The following CPQ variants were observed in gnomAD, a reference collection of about 807,000 sequenced individuals.
CPQ encodes the protein carboxypeptidase Q.
CPQ carries 37 observed loss-of-function variants against 45.7 expected under a neutral mutation model. The ratio of observed to expected loss-of-function variants is 0.81; its 90% CI spans 0.62 to 1.07. CPQ has a LOEUF of 1.07. Among genes scored for constraint, CPQ ranks in the 50% least tolerant of loss-of-function variants. The pLI is 0.00. For synonymous variants in CPQ, 186 were observed against 205.8 expected, an observed-to-expected ratio of 0.90 and a Z score of 0.82; for missense variants, 537 against 572.9, an observed-to-expected ratio of 0.94 and a Z score of 0.64.
chr8:96,914,826 G>C (rs1486266356), intron 4 of CPQ, among the ~76,000 whole-genome samples: 1 of 152,118 alleles, frequency 6.6e-6, no homozygotes, highest in Non-Finnish European at 1.5e-5. Flanking sequence ...ATAACACTTG[G>C]CAGTTTGGAA....
At chr8:97,081,873 C>G (rs966983507) in intron 7 of CPQ, among the ~76,000 whole-genome samples, 1 of 152,130 alleles carries the variant, frequency 6.6e-6, no homozygotes, top group Non-Finnish European at 1.5e-5. Flanking sequence ...CATTTCACTC[C>G]TTGGAACCTC....
chr8:96,809,530 A>G (rs549146861), intron 2 of CPQ, among the ~76,000 whole-genome samples: 7 of 152,298 alleles, frequency 4.6e-5, no homozygotes, highest in Non-Finnish European at 8.8e-5. Context: ...ATGAAATTCT[A>G]TCAAAGGCAA....
intron 4 of CPQ, among the ~76,000 whole-genome samples, chr8:96,919,585 G>A (rs963880542): frequency 2.6e-5 from 4 of 152,130 alleles, no homozygotes; most frequent in Non-Finnish European, 5.9e-5. Context: ...AGAATTTCAC[G>A]TTTTAAAGCC....
At chr8:96,900,242 T>C (rs1381624728) in intron 4 of CPQ, among the ~76,000 whole-genome samples, 1 of 152,160 alleles carries the variant, frequency 6.6e-6, no homozygotes, top group Non-Finnish European at 1.5e-5. Context: ...ATGTGTAAGT[T>C]AACAATGCCC....
At chr8:97,069,483 A>G (rs1010263714) in intron 7 of CPQ, among the ~76,000 whole-genome samples, 3 of 151,794 alleles carry the variant, frequency 2.0e-5, no homozygotes, top group South Asian at 2.1e-4. Flanking sequence ...AAAAAAAAAA[A>G]AAAGAAAAGG....
chr8:96,877,557 T>C (rs572984058), intron 3 of CPQ, among the ~76,000 whole-genome samples: 216 of 152,336 alleles, frequency 1.4e-3, no homozygotes, highest in Middle Eastern at 6.8e-3. Context: ...AAGGTAATTT[T>C]TGGTCATTAA....
At chr8:96,968,113 A>G (rs1813602507) in intron 5 of CPQ, among the ~76,000 whole-genome samples, 2 of 152,164 alleles carry the variant, frequency 1.3e-5, no homozygotes, top group Non-Finnish European at 2.9e-5. Flanking sequence ...CTTTTAGTAT[A>G]TTAGCTATAC....
chr8:96,768,268 C>A (rs1182409215), intron 1 of CPQ, among the ~76,000 whole-genome samples: 1 of 150,674 alleles, frequency 6.6e-6, no homozygotes, highest in African/African-American at 2.4e-5. Context: ...TCCATTATGG[C>A]AAATCTATTT....
At chr8:97,105,575 A>G (rs559500378) in intron 7 of CPQ, among the ~76,000 whole-genome samples, 1 of 152,346 alleles carries the variant, frequency 6.6e-6, no homozygotes, top group South Asian at 2.1e-4. Context: ...TACAGATATA[A>G]CAATCTGCTC....
At chr8:96,714,331 CT>C (rs1379614695) in intron 1 of CPQ, among the ~76,000 whole-genome samples, 3 of 152,134 alleles carry the variant, frequency 2.0e-5, no homozygotes, top group African/African-American at 7.2e-5. Context: ...TTGTTCATTT[CT>C]TTTAATTCTT....
chr8:96,854,428 G>A (rs1313598440), intron 3 of CPQ, among the ~76,000 whole-genome samples: 1 of 148,002 alleles, frequency 6.8e-6, no homozygotes, highest in Admixed American at 6.7e-5. Flanking sequence ...CTACTTGGGA[G>A]GCTGAGGCAG....
chr8:96,836,699 G>A (rs922093150), intron 3 of CPQ, among the ~76,000 whole-genome samples: 1 of 152,084 alleles, frequency 6.6e-6, no homozygotes, highest in African/African-American at 2.4e-5. Context: ...GAAACTGGGT[G>A]ATTGCCAGAA....
At chr8:96,882,521 G>A (rs1212318244) in intron 4 of CPQ, among the ~76,000 whole-genome samples, 1 of 152,190 alleles carries the variant, frequency 6.6e-6, no homozygotes, top group African/African-American at 2.4e-5. Flanking sequence ...GGTCGAGCAG[G>A]CTGGGTGAGC....
intron 2 of CPQ, among the ~76,000 whole-genome samples, chr8:96,795,166 G>A (rs774968151): frequency 1.4e-4 from 22 of 152,058 alleles, no homozygotes; most frequent in Non-Finnish European, 2.8e-4. Flanking sequence ...CCCAAAACTG[G>A]GCAATTTACA....
At chr8:96,651,592 A>G (rs998795692) in intron 1 of CPQ, among the ~76,000 whole-genome samples, 3 of 152,174 alleles carry the variant, frequency 2.0e-5, no homozygotes, top group African/African-American at 7.2e-5. Flanking sequence ...TTACATGACA[A>G]ATCAAGTAGA....
At chr8:97,077,082 C>T (rs1810859319) in intron 7 of CPQ, among the ~76,000 whole-genome samples, 1 of 152,056 alleles carries the variant, frequency 6.6e-6, no homozygotes. Flanking sequence ...TTATCAATAC[C>T]ATCTGTTTAC....
At chr8:97,091,010 G>GCAC (rs1333064979) in intron 7 of CPQ, among the ~76,000 whole-genome samples, 1 of 152,162 alleles carries the variant, frequency 6.6e-6, no homozygotes, top group East Asian at 1.9e-4. Flanking sequence ...ATTGCAGTGA[G>GCAC]GGAGAACTCA....
At chr8:97,129,333 G>A (rs1394996212) in intron 7 of CPQ, among the ~76,000 whole-genome samples, 2 of 152,004 alleles carry the variant, frequency 1.3e-5, no homozygotes, top group South Asian at 4.2e-4. Context: ...CAAGTAAAAC[G>A]GCCTACACAT....
intron 2 of CPQ, among the ~76,000 whole-genome samples, chr8:96,819,532 C>T (rs980255457): frequency 6.6e-6 from 1 of 151,986 alleles, no homozygotes; most frequent in Non-Finnish European, 1.5e-5. Flanking sequence ...TAAAATTGCC[C>T]TTGTTTGATG....
Sources: allele counts gnomAD v4.1 joint callset (sites outside exome capture counted in the v4.1 genomes callset), GRCh38; gene constraint gnomAD v4.1.1; transcripts MANE v1.5; gene names NCBI Gene and HGNC (gene_info 2026-07-23, HGNC 2026-07-21).